The following DUSP16 variants were observed in gnomAD, a reference collection of about 807,000 sequenced individuals.
The protein encoded by DUSP16 is dual specificity protein phosphatase 16.
Under a neutral mutation model 58.3 loss-of-function variants are expected in DUSP16, and 21 were observed. That is an observed-to-expected ratio of 0.36 (90% CI 0.26 to 0.52). DUSP16 has a LOEUF of 0.52. Ranked by LOEUF, DUSP16 falls within the 20% of genes least tolerant of loss-of-function variation. DUSP16 has a pLI of 0.94. For synonymous variants in DUSP16, 320 were observed against 323.8 expected, an observed-to-expected ratio of 0.99 and a Z score of 0.12; for missense variants, 726 against 819.0, an observed-to-expected ratio of 0.89 and a Z score of 1.39.
intron 1 of DUSP16, among the ~76,000 whole-genome samples, chr12:12,547,518 C>T (rs1222974953): frequency 8.6e-6 from 1 of 116,664 alleles, no homozygotes; most frequent in Non-Finnish European, 1.7e-5. Flanking sequence ...TTCCTTATGA[C>T]TGTGAGTAGG....
chr12:12,541,064 T>TC (rs1944552199), intron 1 of DUSP16, among the ~76,000 whole-genome samples: 1 of 145,190 alleles, frequency 6.9e-6, no homozygotes. Flanking sequence ...GCTCAGGTGA[T>TC]CCCCCCAGCT....
intron 4 of DUSP16, chr12:12,491,366 A>C (rs1322089909): frequency 6.6e-6 from 1 of 152,094 alleles, no homozygotes; most frequent in Non-Finnish European, 1.5e-5. Flanking sequence ...TATTGTTTGT[A>C]ATGGTGAAAC....
At chr12:12,541,034 C>G (rs566420061) in intron 1 of DUSP16, among the ~76,000 whole-genome samples, 1 of 142,640 alleles carries the variant, frequency 7.0e-6, no homozygotes, top group African/African-American at 2.6e-5. Flanking sequence ...TCATGGCTCA[C>G]TGCAGCCTCA....
At chr12:12,503,929 A>G (rs191235334) in intron 3 of DUSP16, among the ~76,000 whole-genome samples, 33 of 152,350 alleles carry the variant, frequency 2.2e-4, no homozygotes, top group East Asian at 1.2e-3. Context: ...AATGGAGTCA[A>G]TCAGAACTCC....
intron 1 of DUSP16, among the ~76,000 whole-genome samples, chr12:12,534,824 T>C (rs547548327): frequency 6.6e-6 from 1 of 152,372 alleles, no homozygotes; most frequent in African/African-American, 2.4e-5. Context: ...AAAAAAGTTT[T>C]ATTTTGGAGG....
intron 1 of DUSP16, among the ~76,000 whole-genome samples, chr12:12,524,808 CAAAA>C (rs35276630): frequency 1.0e-3 from 151 of 151,720 alleles, no homozygotes; most frequent in African/African-American, 3.6e-3. Flanking sequence ...TCATATGGTT[CAAAA>C]AAAGTCTAAA....
intron 3 of DUSP16, among the ~76,000 whole-genome samples, chr12:12,516,518 C>CT (rs1339423966): frequency 9.2e-5 from 14 of 152,188 alleles, no homozygotes; most frequent in Admixed American, 3.3e-4. Context: ...GTTGTTAGCT[C>CT]TTTATCAAAT....
At chr12:12,549,056 A>G (rs1944690097) in intron 1 of DUSP16, among the ~76,000 whole-genome samples, 1 of 152,222 alleles carries the variant, frequency 6.6e-6, no homozygotes, top group African/African-American at 2.4e-5. Flanking sequence ...ATCTTTCTCT[A>G]TTAAAATAAA....
At chr12:12,511,380 A>C (rs1204559240) in intron 3 of DUSP16, among the ~76,000 whole-genome samples, 2 of 152,182 alleles carry the variant, frequency 1.3e-5, no homozygotes, top group Admixed American at 6.5e-5. Flanking sequence ...CTTCTGATTT[A>C]AAGAGCTTAC....
chr12:12,538,530 T>C (rs183202252), intron 1 of DUSP16, among the ~76,000 whole-genome samples: 60 of 152,304 alleles, frequency 3.9e-4, no homozygotes, highest in Non-Finnish European at 8.8e-5. Flanking sequence ...TCCACAACCC[T>C]AGAGAGCTTA....
At chr12:12,527,278 A>G (rs1286473480) in intron 1 of DUSP16, among the ~76,000 whole-genome samples, 3 of 152,186 alleles carry the variant, frequency 2.0e-5, no homozygotes, top group African/African-American at 7.2e-5. Context: ...CAATAACAGG[A>G]AAAAAACCAA....
chr12:12,482,131 AT>A (rs994561977), intron 5 of DUSP16, among the ~76,000 whole-genome samples: 1 of 152,182 alleles, frequency 6.6e-6, no homozygotes, highest in African/African-American at 2.4e-5. Flanking sequence ...TCTCTCATTA[AT>A]TTTAATAATT....
At chr12:12,533,484 T>C (rs564701314) in intron 1 of DUSP16, among the ~76,000 whole-genome samples, 1 of 152,294 alleles carries the variant, frequency 6.6e-6, no homozygotes, top group South Asian at 2.1e-4. Context: ...AAAATAACTC[T>C]GGGGCCTCAA....
At chr12:12,524,208 TA>T (rs762506433) in intron 1 of DUSP16, among the ~76,000 whole-genome samples, 1 of 152,188 alleles carries the variant, frequency 6.6e-6, no homozygotes, top group African/African-American at 2.4e-5. Context: ...GTTACAGATA[TA>T]AAAAGACCCT....
chr12:12,557,175 G>A (rs1414349322), intron 1 of DUSP16, among the ~76,000 whole-genome samples: 2 of 152,134 alleles, frequency 1.3e-5, no homozygotes, highest in South Asian at 2.1e-4. Flanking sequence ...AAAGTTTCTG[G>A]CCGGGTGTGG....
intron 1 of DUSP16, among the ~76,000 whole-genome samples, chr12:12,555,648 C>T (rs1057208472): frequency 5.3e-5 from 8 of 152,136 alleles, no homozygotes; most frequent in African/African-American, 1.7e-4. Context: ...TTAAAACAAA[C>T]CTGAATTCTT....
chr12:12,480,235 T>C lies in DUSP16; in HGVS notation c.803A>G (p.Asp268Gly). ...TTCCTGCCCTCACCTGTAAGCTTCATCTAAAGACATGTCCATCCTCTTCAT... is the reference window on the plus strand; with the variant it reads ...TTCCTGCCCTCACCTGTAAGCTTCACCTAAAGACATGTCCATCCTCTTCAT... Reference protein sequence around the residue: ...YIMKRMDMSLDEAYRFVKEKR... With the variant: ...YIMKRMDMSLGEAYRFVKEKR... Residue 268 changes from aspartate (D) to glycine (G), a missense_variant, in exon 6 of 7, where the codon GAT becomes GGT. Transcript: ENST00000298573. 4 of 1,614,120 alleles carry C rather than the reference T, an allele frequency of 2.5e-6. No individual in the cohort carries two copies. Among genetic ancestry groups the C allele is most frequent in the Non-Finnish European group, 2.5e-6 (3 of 1,180,012 alleles).
At chr12:12,553,967 A>G (rs1944771213) in intron 1 of DUSP16, among the ~76,000 whole-genome samples, 1 of 152,062 alleles carries the variant, frequency 6.6e-6, no homozygotes, top group East Asian at 1.9e-4. Flanking sequence ...AGAGGCCAAG[A>G]CAAGCAGATC....
intron 1 of DUSP16, among the ~76,000 whole-genome samples, chr12:12,526,188 G>T (rs1443620263): frequency 6.6e-6 from 1 of 152,040 alleles, no homozygotes; most frequent in Non-Finnish European, 1.5e-5. Context: ...ATCTCCTAAA[G>T]AAATACCATT....
Sources: gnomAD v4.1 joint callset for allele counts (sites outside exome capture counted in the v4.1 genomes callset) on GRCh38, gnomAD v4.1.1 for gene constraint, MANE v1.5 for transcripts, NCBI Gene and HGNC (gene_info 2026-07-23, HGNC 2026-07-21) for gene names.